The following MB21D2 variants were observed in gnomAD, a reference collection of about 807,000 sequenced individuals.
MB21D2 encodes the protein nucleotidyltransferase MB21D2.
MB21D2 carries 9 observed loss-of-function variants against 33.3 expected under a neutral mutation model. The observed-to-expected ratio is 0.27, with a 90% CI of 0.16 to 0.47. MB21D2 has a LOEUF of 0.47. Among genes scored for constraint, MB21D2 ranks in the 20% least tolerant of loss-of-function variants. MB21D2 has a pLI of 0.99. For synonymous variants in MB21D2, 241 were observed against 236.3 expected (o/e 1.02, Z -0.18); for missense variants, 540 against 624.6 (o/e 0.86, Z 1.44).
rs1006185492 is a variant in MB21D2, at chr3:192,827,019, G to A, written c.212-27369C>T. On this transcript the variant is annotated intron_variant, in intron 1 of 1. Coordinates refer to ENST00000392452, the MANE Select transcript of MB21D2 (RefSeq NM_178496.4). ...CCATTCTCCTGCCTCAGCCTCCCAA[G>A]TAGCTGAGACTACAGTAGGTGCCCA... Among the ~76,000 whole-genome samples the A allele has an allele frequency of 1.5e-4, 23 of 151,770 alleles. 1 individual carries two copies. The highest frequency in any genetic ancestry group is 5.3e-4 in the African/African-American group (22 of 41,310).
At chr3:192,912,531 GGT>G (rs1714378842) in intron 1 of MB21D2, among the ~76,000 whole-genome samples, 1 of 152,082 alleles carries the variant, frequency 6.6e-6, no homozygotes, top group African/African-American at 2.4e-5. Flanking sequence ...AAATTGGCCA[GGT>G]GTGGTAGCGG....
intron 1 of MB21D2, among the ~76,000 whole-genome samples, chr3:192,821,414 C>T (rs1712052692): frequency 6.6e-6 from 1 of 152,168 alleles, no homozygotes; most frequent in African/African-American, 2.4e-5. Context: ...CCTCATCTCA[C>T]AACTTCGCTA....
In MB21D2 at chr3:192,876,299, G is replaced by A. The variant is rs1006858351; in HGVS notation, c.211+41331C>T. On this transcript the variant is annotated intron_variant, in intron 1 of 1. Coordinates refer to ENST00000392452, the MANE Select transcript of MB21D2 (RefSeq NM_178496.4). The stretch of plus-strand genomic sequence containing the variant: ...TTCTTGCACCCAAGACAGAAACATG[G>A]CTGTCATCTTGAATTTATTTCTGCC... Among the ~76,000 whole-genome samples the A allele has an allele frequency of 3.9e-5, 6 of 152,238 alleles. No individual in the cohort carries two copies. In the South Asian group the frequency reaches 8.3e-4, roughly 21 times the overall value.
Position 192,916,098 on chromosome 3 carries a change from T to TTATATATATA in MB21D2, c.211+1522_211+1531dup, listed in dbSNP as rs55749042. The stretch of plus-strand genomic sequence containing the variant: ...TGTGGAAGCTCACTCCTACCAGGTT[T>TTATATATATA]TATATATATATATATATATATATTT... On this transcript the variant is annotated intron_variant, in intron 1 of 1. Coordinates refer to ENST00000392452, the MANE Select transcript of MB21D2 (RefSeq NM_178496.4). Among the ~76,000 whole-genome samples, 906 of 139,116 alleles carry TTATATATATA rather than the reference T, an allele frequency of 6.5e-3. 11 individuals carry two copies. The highest frequency in any genetic ancestry group is 0.014 in the African/African-American group (510 of 35,290). The allele number at this position is 139,116 out of a possible 152,430, so 91.3% of individuals were successfully genotyped here.
chr3:192,878,103 G>GTTTTTTTTTTTTTTTTTTTTTTTTTTTTT (rs1296544101), intron 1 of MB21D2, among the ~76,000 whole-genome samples: 2 of 134,222 alleles, frequency 1.5e-5, no homozygotes, highest in African/African-American at 2.8e-5. Flanking sequence ...TTTTTTTTTG[G>GTTTTTTTTTTTTTTTTTTTTTTTTTTTTT]TTTTTTTTGT....
chr3:192,812,619 T>C (rs761718764), intron 1 of MB21D2, among the ~76,000 whole-genome samples: 6 of 152,164 alleles, frequency 3.9e-5, no homozygotes, highest in Non-Finnish European at 7.3e-5. Flanking sequence ...AAGGGACTCA[T>C]ATCACATTCT....
chr3:192,806,190 A>C (rs963608257), intron 1 of MB21D2, among the ~76,000 whole-genome samples: 1 of 152,176 alleles, frequency 6.6e-6, no homozygotes, highest in African/African-American at 2.4e-5. Flanking sequence ...CTTGACCTGA[A>C]CTAAATTAGC....
In MB21D2 at chr3:192,849,086, C is replaced by G. The variant is rs1363495488; in HGVS notation, c.212-49436G>C. ...TTATGAGATTCTCAATGGGGCAGCC[C>G]CCTGCTCAGTCCTGAAATGGCTGGC... On this transcript the variant is annotated intron_variant, in intron 1 of 1. Coordinates refer to ENST00000392452, the MANE Select transcript of MB21D2 (RefSeq NM_178496.4). Among the ~76,000 whole-genome samples, 3 of 152,164 alleles carry G rather than the reference C, an allele frequency of 2.0e-5. No homozygotes were observed. The East Asian group carries it at 5.8e-4, about 29-fold the overall frequency.
intron 1 of MB21D2, among the ~76,000 whole-genome samples, chr3:192,912,459 A>C (rs1714377174): frequency 6.6e-6 from 1 of 152,190 alleles, no homozygotes; most frequent in Non-Finnish European, 1.5e-5. Context: ...ACCTGAGGTC[A>C]GGAGTTCTAG....
chr3:192,881,681 C>T (rs1188665030), intron 1 of MB21D2, among the ~76,000 whole-genome samples: 1 of 152,088 alleles, frequency 6.6e-6, no homozygotes, highest in Non-Finnish European at 1.5e-5. Flanking sequence ...ATAAGCTATT[C>T]GGTACCTGTG....
chr3:192,912,016 T>G lies in MB21D2; in HGVS notation c.211+5614A>C, dbSNP rs144253901. Among the ~76,000 whole-genome samples, 14 of 152,140 alleles carry G rather than the reference T, an allele frequency of 9.2e-5. No individual in the cohort carries two copies. In the East Asian group the frequency reaches 2.7e-3, roughly 29 times the overall value. ...GAATTCATTAACAGAAAAGTAGCAA[T>G]CAAACACTGGAAAGGTAGGGCTTCA... On this transcript the variant is annotated intron_variant, in intron 1 of 1. Transcript: ENST00000392452.
At position 192,796,963 on chromosome 3, in the gene MB21D2, A is replaced by G. The variant is rs1221507982; in HGVS notation, c.*1423T>C. 1 of 152,598 alleles carries G rather than the reference A, an allele frequency of 6.6e-6. No homozygotes were observed. The highest frequency in any genetic ancestry group is 1.9e-4 in the East Asian group (1 of 5,202). 9.5% of individuals were successfully genotyped at this position (152,598 alleles called of 1,614,324 possible). A position where few individuals can be genotyped will look rare whatever the true frequency, so the allele number is the denominator to read the frequency against. ...TCTGATTTCAATTGGCCAAAATCCA[A>G]CCCTTGAGTTTGGACATTCAAGACC... On this transcript the variant is annotated 3_prime_UTR_variant, in exon 2 of 2. Coordinates refer to ENST00000392452, the MANE Select transcript of MB21D2 (RefSeq NM_178496.4).
At chr3:192,837,726 C>T (rs1282805328) in intron 1 of MB21D2, among the ~76,000 whole-genome samples, 1 of 152,204 alleles carries the variant, frequency 6.6e-6, no homozygotes, top group Non-Finnish European at 1.5e-5. Context: ...CATTCCATAT[C>T]ATGAGTCTCC....
chr3:192,887,511 C>CA (rs1398641304), intron 1 of MB21D2, among the ~76,000 whole-genome samples: 7 of 151,474 alleles, frequency 4.6e-5, no homozygotes, highest in Admixed American at 2.6e-4. Context: ...CCACAATATT[C>CA]AAAAAAAGGA....
At chr3:192,805,925 C>T (rs549029627) in intron 1 of MB21D2, among the ~76,000 whole-genome samples, 2 of 152,296 alleles carry the variant, frequency 1.3e-5, no homozygotes, top group East Asian at 3.9e-4. Flanking sequence ...TTTAATTAAA[C>T]AAGATAATCT....
intron 1 of MB21D2, among the ~76,000 whole-genome samples, chr3:192,843,982 G>A (rs998867751): frequency 3.3e-5 from 5 of 152,072 alleles, no homozygotes; most frequent in African/African-American, 9.7e-5. Flanking sequence ...TCCCAGCCCC[G>A]GAACTCCCAC....
intron 1 of MB21D2, among the ~76,000 whole-genome samples, chr3:192,877,977 G>GAA (rs552057393): frequency 5.2e-5 from 5 of 96,634 alleles, no homozygotes; most frequent in African/African-American, 7.2e-5. Context: ...TATTGAAAAA[G>GAA]AAAAAAAAAA....
At chr3:192,911,042 A>G (rs1017042689) in intron 1 of MB21D2, among the ~76,000 whole-genome samples, 1 of 152,232 alleles carries the variant, frequency 6.6e-6, no homozygotes, top group African/African-American at 2.4e-5. Flanking sequence ...GACTTGCCCA[A>G]CGTCACACAG....
At chr3:192,890,151 T>C (rs1713818003) in intron 1 of MB21D2, among the ~76,000 whole-genome samples, 1 of 152,076 alleles carries the variant, frequency 6.6e-6, no homozygotes, top group African/African-American at 2.4e-5. Context: ...CTCCTTGCAA[T>C]AAATAGTGGA....
Sources: allele counts gnomAD v4.1 joint callset (sites outside exome capture counted in the v4.1 genomes callset), GRCh38; gene constraint gnomAD v4.1.1; transcripts MANE v1.5; gene names NCBI Gene and HGNC (gene_info 2026-07-23, HGNC 2026-07-21).